Variants in SETD3 observed in about 807,000 individuals in gnomAD.
SETD3 encodes SET domain containing 3, actin N3(tau)-histidine methyltransferase.
Under a neutral mutation model 63.0 loss-of-function variants are expected in SETD3, and 19 were observed. The ratio of observed to expected loss-of-function variants is 0.30; its 90% CI spans 0.21 to 0.44. The LOEUF (loss-of-function observed/expected upper bound fraction) is 0.44. SETD3 is among the 20% of genes least tolerant of loss of function. The pLI is 1.00. For synonymous variants in SETD3, 286 were observed against 264.1 expected, an observed-to-expected ratio of 1.08 and a Z score of -0.80; for missense variants, 587 against 728.5, an observed-to-expected ratio of 0.81 and a Z score of 2.24.
chr14:99,481,783 G>A (rs1896333420), upstream of SETD3, among the ~76,000 whole-genome samples: 1 of 152,234 alleles, frequency 6.6e-6, no homozygotes, highest in African/African-American at 2.4e-5. Flanking sequence ...GGCAAAAGGG[G>A]CAGCGGTGTT....
rs111691428 is a variant in SETD3 at position 99,398,166 on chromosome 14, A to ATT, written c.*511_*512dup. The stretch of plus-strand genomic sequence containing the variant: ...CCTTTTCTTTTGGTAATGGGGTGTT[A>ATT]TTTTTTTTAAGAGAAAAAACCAAAC... On this transcript the variant is annotated 3_prime_UTR_variant, in exon 13 of 13. Transcript: ENST00000331768. 1 of 152,098 alleles carries ATT rather than the reference A, an allele frequency of 6.6e-6. No individual in the cohort carries two copies. Among genetic ancestry groups the ATT allele is most frequent in the African/African-American group, 2.4e-5 (1 of 41,280 alleles). 9.4% of individuals were successfully genotyped at this position (152,098 alleles called of 1,614,324 possible).
intron 4 of SETD3, among the ~76,000 whole-genome samples, chr14:99,459,803 C>A (rs1894969426): frequency 6.6e-6 from 1 of 152,236 alleles, no homozygotes; most frequent in South Asian, 2.1e-4. Flanking sequence ...AAAACATGCA[C>A]ATGGCGCTCC....
chr14:99,477,416 A>G (rs1896028064), intron 1 of SETD3, among the ~76,000 whole-genome samples: 1 of 152,180 alleles, frequency 6.6e-6, no homozygotes, highest in Admixed American at 6.6e-5. Flanking sequence ...TTAATCTTGC[A>G]GATGCTAATT....
intron 1 of SETD3, among the ~76,000 whole-genome samples, chr14:99,479,373 T>A (rs1896139712): frequency 6.6e-6 from 1 of 152,352 alleles, no homozygotes; most frequent in South Asian, 2.1e-4. Context: ...TTGGGACTAA[T>A]CCAGTACTGC....
intron 11 of SETD3, among the ~76,000 whole-genome samples, chr14:99,403,449 A>ACTCTCTCTCT: frequency 1.8e-5 from 2 of 110,616 alleles, no homozygotes; most frequent in Non-Finnish European, 3.5e-5. Flanking sequence ...ACACACACAC[A>ACTCTCTCTCT]CACACACTCT....
intron 5 of SETD3, among the ~76,000 whole-genome samples, chr14:99,458,748 G>A (rs1413387071): frequency 2.1e-5 from 3 of 144,158 alleles, no homozygotes; most frequent in Non-Finnish European, 4.5e-5. Flanking sequence ...GACCAGCCTG[G>A]GCAATATAGC....
intron 2 of SETD3, among the ~76,000 whole-genome samples, chr14:99,464,511 G>A (rs1451134686): frequency 1.3e-5 from 2 of 152,216 alleles, no homozygotes; most frequent in Non-Finnish European, 2.9e-5. Flanking sequence ...GCCAGAGGCA[G>A]GGGAGCTCAG....
intron 6 of SETD3, among the ~76,000 whole-genome samples, chr14:99,432,469 C>CT (rs1220603854): frequency 2.0e-4 from 30 of 152,208 alleles, no homozygotes; most frequent in African/African-American, 6.8e-4. Context: ...TATATTCACA[C>CT]TTTAAGTATT....
intron 6 of SETD3, among the ~76,000 whole-genome samples, chr14:99,426,413 G>C (rs1892885675): frequency 6.6e-6 from 1 of 152,324 alleles, no homozygotes; most frequent in Non-Finnish European, 1.5e-5. Context: ...GCTGGATGGT[G>C]GACACTGACA....
intron 6 of SETD3, among the ~76,000 whole-genome samples, chr14:99,435,707 C>G (rs1893438885): frequency 6.6e-6 from 1 of 151,350 alleles, no homozygotes; most frequent in Admixed American, 6.6e-5. Flanking sequence ...CTTCACACAC[C>G]TGTAGGAGAA....
rs1032205100 is a variant in SETD3 at position 99,477,493 on chromosome 14, G to A, written c.-9+3235C>T. Among the ~76,000 whole-genome samples, 11 of 151,930 alleles carry A rather than the reference G, an allele frequency of 7.2e-5. No homozygotes were observed. In the South Asian group the frequency reaches 1.5e-3, roughly 20 times the overall value. On this transcript the variant is annotated intron_variant, in intron 1 of 12. Transcript: ENST00000331768. ...GTCTCAGCCCAGTGCGGTGGCTCAC[G>A]CCTGTAATCCCAGCACTTTGGGAGG...
At chr14:99,417,835 G>A (rs1892364751) in intron 6 of SETD3, among the ~76,000 whole-genome samples, 1 of 152,068 alleles carries the variant, frequency 6.6e-6, no homozygotes, top group South Asian at 2.1e-4. Context: ...ATAAATACAT[G>A]GAGAGGTGTT....
chr14:99,432,996 T>A (rs1893267591), intron 6 of SETD3, among the ~76,000 whole-genome samples: 1 of 152,136 alleles, frequency 6.6e-6, no homozygotes, highest in South Asian at 2.1e-4. Context: ...AAGAACTTCA[T>A]CAAATAATAT....
At position 99,409,108 on chromosome 14, in the gene SETD3, G is replaced by A. The variant is rs141459899; in HGVS notation, c.850-2518C>T. Among the ~76,000 whole-genome samples the A allele has an allele frequency of 3.9e-5, 6 of 152,280 alleles. No individual in the cohort carries two copies. The East Asian group carries it at 1.2e-3, about 29-fold the overall frequency. On this transcript the variant is annotated intron_variant, in intron 8 of 12. Coordinates refer to ENST00000331768, the MANE Select transcript of SETD3 (RefSeq NM_032233.3). ...GGGGCAGCCACCCGATGTCAAGCAAGGACAGGGTCCTTCCACCTCCTCCTC... is the reference window on the plus strand; with the variant it reads ...GGGGCAGCCACCCGATGTCAAGCAAAGACAGGGTCCTTCCACCTCCTCCTC...
chr14:99,463,576 A>G lies in SETD3; in HGVS notation c.106T>C (p.Cys36Arg), dbSNP rs754220240. The change falls in exon 3 of 13, where the codon TGC (cysteine) becomes CGC (arginine). Residue 36 changes from cysteine to arginine, a missense_variant and splice_region_variant. Coordinates refer to ENST00000331768, the MANE Select transcript of SETD3 (RefSeq NM_032233.3). ...LNLTSELLQK[C>R]SSPAPGPGKE... ...CCTGGGCCAGGCGCCGGACTGCTGC[A>G]TTCTGTAACATAAGAGGCATGGTAC... 1.2e-6 allele frequency: 2 copies of G among 1,612,556 alleles called. No homozygotes were observed. Among genetic ancestry groups the G allele is most frequent in the Non-Finnish European group, 1.7e-6 (2 of 1,178,946 alleles).
At chr14:99,453,339 GA>G (rs1330829992) in intron 6 of SETD3, among the ~76,000 whole-genome samples, 1 of 152,126 alleles carries the variant, frequency 6.6e-6, no homozygotes, top group Admixed American at 6.5e-5. Flanking sequence ...TCTAAAACTA[GA>G]AAAACAGCTA....
chr14:99,465,639 G>A, intron 2 of SETD3, 64 bp downstream of exon 2: 2 of 1,329,498 alleles, frequency 1.5e-6, no homozygotes. Context: ...CCCCATTCTG[G>A]TGACAAAGAA....
Position 99,474,148 on chromosome 14 carries a change from C to T in SETD3, c.-9+6580G>A, listed in dbSNP as rs189045810. 1.1e-4 allele frequency among the ~76,000 whole-genome samples: 17 copies of T among 152,052 alleles called. No homozygotes were observed. In the East Asian group the frequency reaches 2.7e-3, roughly 24 times the overall value. ...CCAACTTGGTCAACATGATGAGACCCCCGCCAGCTCTACTAAAAACACAAA... is the reference window on the plus strand; with the variant it reads ...CCAACTTGGTCAACATGATGAGACCTCCGCCAGCTCTACTAAAAACACAAA... On this transcript the variant is annotated intron_variant, in intron 1 of 12. Coordinates refer to ENST00000331768, the MANE Select transcript of SETD3 (RefSeq NM_032233.3).
intron 6 of SETD3, among the ~76,000 whole-genome samples, chr14:99,424,082 T>C (rs2139672145): frequency 6.6e-6 from 1 of 152,342 alleles, no homozygotes; most frequent in Non-Finnish European, 1.5e-5. Context: ...GCAGATCTTT[T>C]AAGCACTACC....
Sources: allele counts gnomAD v4.1 joint callset (sites outside exome capture counted in the v4.1 genomes callset), GRCh38; gene constraint gnomAD v4.1.1; transcripts MANE v1.5; gene names NCBI Gene and HGNC (gene_info 2026-07-23, HGNC 2026-07-21).